Variants in APBB2 observed in about 807,000 individuals in gnomAD.
APBB2 encodes Fe65-like 1.
In APBB2, 38 loss-of-function variants were observed where a neutral mutation model predicts 82.5. The ratio of observed to expected loss-of-function variants is 0.46; its 90% CI spans 0.36 to 0.60. The LOEUF (loss-of-function observed/expected upper bound fraction) is 0.60. Ranked by LOEUF, APBB2 falls within the 20% of genes least tolerant of loss-of-function variation. The pLI is 0.00. For missense variants in APBB2, 772 were observed against 972.3 expected (o/e 0.79, Z 2.74); for synonymous variants, 341 against 368.2 (o/e 0.93, Z 0.85).
At chr4:41,150,223 A>G (rs970133375) in intron 1 of APBB2, among the ~76,000 whole-genome samples, 8 of 152,216 alleles carry the variant, frequency 5.3e-5, no homozygotes, top group African/African-American at 1.9e-4. Context: ...AAATCCCCAA[A>G]TTTACCAATA....
At chr4:41,097,275 C>A (rs955127424) in intron 3 of APBB2, among the ~76,000 whole-genome samples, 7 of 152,182 alleles carry the variant, frequency 4.6e-5, no homozygotes, top group Non-Finnish European at 8.8e-5. Context: ...CAGCCAGTGA[C>A]ACTTACCATT....
In APBB2 at chr4:41,027,865, A is replaced by G. The variant is rs1363708122; in HGVS notation, c.19+5371T>C. Among the ~76,000 whole-genome samples the G allele has an allele frequency of 2.0e-5, 3 of 152,234 alleles. No individual in the cohort carries two copies. In the East Asian group the frequency reaches 5.8e-4, roughly 29 times the overall value. On this transcript the variant is annotated intron_variant, in intron 5 of 17. Transcript: ENST00000508593. ...TGGCAGGTGGATGGGTCCCCCAGTG[A>G]TTCTGCCATCCCCTCCACGTCTATT... is the stretch of plus-strand genomic sequence containing the variant.
intron 12 of APBB2, among the ~76,000 whole-genome samples, chr4:40,835,627 C>T (rs916872145): frequency 6.6e-6 from 1 of 152,220 alleles, no homozygotes; most frequent in Admixed American, 6.5e-5. Context: ...GGAGTCTGTA[C>T]TCAGTTTGCA....
chr4:40,947,210 T>C (rs1238811482), intron 6 of APBB2, among the ~76,000 whole-genome samples: 1 of 152,220 alleles, frequency 6.6e-6, no homozygotes, highest in Non-Finnish European at 1.5e-5. Flanking sequence ...GGTTTTGGGA[T>C]AAAGTTGGAG....
In APBB2 at chr4:41,125,622, A is replaced by G. The variant is rs183531773; in HGVS notation, c.-261+17365T>C. ...AACAGATCTATTGGAATGTGAAATG[A>G]AAACTTTTTAAGTTCTTTGGAAGAC... On this transcript the variant is annotated intron_variant, in intron 2 of 17. Coordinates refer to ENST00000508593, the MANE Select transcript of APBB2 (RefSeq NM_004307.2). Among the ~76,000 whole-genome samples the G allele has an allele frequency of 2.6e-5, 4 of 152,348 alleles. No homozygotes were observed. The East Asian group carries it at 7.7e-4, about 29-fold the overall frequency.
intron 10 of APBB2, among the ~76,000 whole-genome samples, chr4:40,908,849 A>T (rs1489425849): frequency 6.6e-6 from 1 of 152,172 alleles, no homozygotes; most frequent in Non-Finnish European, 1.5e-5. Context: ...GCCCTTGTGC[A>T]AACTGTCCAC....
At chr4:41,007,980 C>T (rs1807255866) in intron 6 of APBB2, among the ~76,000 whole-genome samples, 1 of 152,200 alleles carries the variant, frequency 6.6e-6, no homozygotes. Flanking sequence ...GGACTTTATA[C>T]AGCTCGGAGG....
rs1303771547 is a variant in APBB2 at position 40,814,599 on chromosome 4, T to C, written c.*1493A>G. 6.6e-6 allele frequency: 1 copy of C among 152,242 alleles called. No homozygotes were observed. The highest frequency in any genetic ancestry group is 1.5e-5 in the Non-Finnish European group (1 of 68,036). The allele number at this position is 152,242 out of a possible 1,614,324, so 9.4% of individuals were successfully genotyped here. ...TGTGGAAACCATTTTGACAAGTACATAGCAGTGTATAAACATAAAGCATTA... is the reference window on the plus strand; with the variant it reads ...TGTGGAAACCATTTTGACAAGTACACAGCAGTGTATAAACATAAAGCATTA... On this transcript the variant is annotated 3_prime_UTR_variant, in exon 18 of 18. Coordinates refer to ENST00000508593, the MANE Select transcript of APBB2 (RefSeq NM_004307.2).
chr4:41,186,008 T>C (rs1772795123), intron 1 of APBB2, among the ~76,000 whole-genome samples: 2 of 152,124 alleles, frequency 1.3e-5, no homozygotes, highest in Non-Finnish European at 2.9e-5. Flanking sequence ...TCTACCACAC[T>C]CTAAGGCAAA....
intron 1 of APBB2, among the ~76,000 whole-genome samples, chr4:41,186,929 G>A (rs895940991): frequency 3.9e-5 from 6 of 152,114 alleles, no homozygotes; most frequent in African/African-American, 1.4e-4. Flanking sequence ...ATGTTCCTTT[G>A]AAATGCAAAC....
intron 4 of APBB2, among the ~76,000 whole-genome samples, chr4:41,049,575 C>G (rs560537836): frequency 3.3e-5 from 5 of 151,848 alleles, no homozygotes; most frequent in Non-Finnish European, 7.4e-5. Context: ...TCTGCCCAAC[C>G]GCCCCTTCTG....
At chr4:40,877,423 T>C (rs1767202054) in intron 12 of APBB2, among the ~76,000 whole-genome samples, 1 of 152,168 alleles carries the variant, frequency 6.6e-6, no homozygotes, top group South Asian at 2.1e-4. Flanking sequence ...GTGTGCCCTC[T>C]CATCCTTGTT....
intron 6 of APBB2, among the ~76,000 whole-genome samples, chr4:40,999,251 G>A (rs558523439): frequency 6.6e-6 from 1 of 152,086 alleles, no homozygotes; most frequent in Non-Finnish European, 1.5e-5. Context: ...AACCAGCCTG[G>A]GCAATATAGG....
intron 1 of APBB2, among the ~76,000 whole-genome samples, chr4:41,212,061 C>G (rs1440462750): frequency 1.3e-5 from 2 of 152,176 alleles, no homozygotes; most frequent in Non-Finnish European, 1.5e-5. Flanking sequence ...CCACACACAT[C>G]ATTATTCTAA....
At chr4:40,940,611 C>G (rs1228921347) in intron 7 of APBB2, among the ~76,000 whole-genome samples, 1 of 152,188 alleles carries the variant, frequency 6.6e-6, no homozygotes, top group African/African-American at 2.4e-5. Context: ...ACTGGGCACC[C>G]TCCTGGGGGG....
chr4:41,084,597 A>G (rs1162134855), intron 3 of APBB2: 1 of 152,246 alleles, frequency 6.6e-6, no homozygotes, highest in Admixed American at 6.5e-5. Context: ...ATTATCAAAA[A>G]GAAATTAAAT....
chr4:40,932,000 C>T (rs1214722007), intron 10 of APBB2, among the ~76,000 whole-genome samples: 1 of 152,030 alleles, frequency 6.6e-6, no homozygotes, highest in African/African-American at 2.4e-5. Context: ...GACATGCTGG[C>T]AATAAAAAGG....
rs1228716595 is a variant in APBB2, at chr4:41,026,889, A to G, written c.19+6347T>C. Among the ~76,000 whole-genome samples the G allele has an allele frequency of 3.9e-5, 6 of 152,246 alleles. No individual in the cohort carries two copies. The South Asian group carries it at 8.3e-4, about 21-fold the overall frequency. Reference sequence around the variant, plus strand: ...ACCCTTCTGGTCTTAAAAGAAATTTATATTTGTTTATCTGAGATCCTTCCT... The same window carrying G: ...ACCCTTCTGGTCTTAAAAGAAATTTGTATTTGTTTATCTGAGATCCTTCCT... On this transcript the variant is annotated intron_variant, in intron 5 of 17. Transcript: ENST00000508593.
intron 4 of APBB2, among the ~76,000 whole-genome samples, chr4:41,058,966 G>C (rs1265831722): frequency 6.6e-6 from 1 of 152,086 alleles, no homozygotes. Context: ...TCAGATGAGA[G>C]AAAGTTAAAG....
Sources: allele counts gnomAD v4.1 joint callset (sites outside exome capture counted in the v4.1 genomes callset), GRCh38; gene constraint gnomAD v4.1.1; transcripts MANE v1.5; gene names NCBI Gene and HGNC (gene_info 2026-07-23, HGNC 2026-07-21).